The following ENO4 variants were observed in gnomAD, a reference collection of about 807,000 sequenced individuals.
The protein encoded by ENO4 is 2-phospho-D-glycerate hydro-lyase.
ENO4 carries 53 observed loss-of-function variants against 63.2 expected under a neutral mutation model. The ratio of observed to expected loss-of-function variants is 0.84; its 90% CI spans 0.67 to 1.05. The LOEUF is 1.05. Among genes scored for constraint, ENO4 ranks in the 50% least tolerant of loss-of-function variants. The pLI is 0.00. For synonymous variants in ENO4, 266 were observed against 283.8 expected, an observed-to-expected ratio of 0.94 and a Z score of 0.63; for missense variants, 719 against 772.0, an observed-to-expected ratio of 0.93 and a Z score of 0.81.
At position 116,856,765 on chromosome 10, in the gene ENO4, G is replaced by T. The variant is rs926622245; in HGVS notation, c.485+83G>T. Reference sequence around the variant, plus strand: ...GCCTGTAATCCCAGCACTTTGGGAGGCCGAGGCGGGCAGATCACGAGGTCA... The same window carrying T: ...GCCTGTAATCCCAGCACTTTGGGAGTCCGAGGCGGGCAGATCACGAGGTCA... On this transcript the variant is annotated intron_variant, in intron 3 of 13. Transcript: ENST00000341276. The T allele has an allele frequency of 3.4e-6, 4 of 1,186,438 alleles. No homozygotes were observed. In the South Asian group the frequency reaches 6.5e-5, roughly 19 times the overall value. The allele number at this position is 1,186,438 out of a possible 1,614,324, so 73.5% of individuals were successfully genotyped here.
downstream of ENO4, chr10:116,886,664 T>C: frequency 2.6e-6 from 4 of 1,519,140 alleles, no homozygotes; most frequent in East Asian, 2.3e-5. Context: ...ACCCAAAATG[T>C]TCTAAGTCTA....
chr10:116,906,778 G>A, intron 10 of ENO4: 1 of 1,578,834 alleles, frequency 6.3e-7, no homozygotes, highest in Non-Finnish European at 8.6e-7. Context: ...AAACAAAAAG[G>A]TTAATGTCTT....
chr10:116,871,397 ATTGT>A, intron 9 of ENO4, 105 bp downstream of exon 9: 1 of 1,058,090 alleles, frequency 9.5e-7, no homozygotes, highest in African/African-American at 1.6e-5. Flanking sequence ...AACAGATCTT[ATTGT>A]TTTTTTATTA....
At chr10:116,849,819 C>G (rs1042947981) in intron 1 of ENO4, 88 bp downstream of exon 1, 7 of 1,395,326 alleles carry the variant, frequency 5.0e-6, no homozygotes, top group Non-Finnish European at 6.7e-6. Flanking sequence ...GCGCCTGCGC[C>G]TCAGAATCTC....
Position 116,876,182 on chromosome 10 carries a change from A to G in ENO4, c.1459A>G (p.Lys487Glu). 1 of 1,550,660 alleles carries G rather than the reference A, an allele frequency of 6.4e-7. No homozygotes were observed. Among genetic ancestry groups the G allele is most frequent in the Non-Finnish European group, 8.7e-7 (1 of 1,147,020 alleles). ...LLEQGNISIP[K>E]SNGLIIKHTN... The stretch of plus-strand genomic sequence containing the variant: ...AGAGCAAGGAAACATCAGCATCCCC[A>G]AATCCAATGGGCTGATCATAAAACA... The change falls in exon 11 of 14, where the codon AAA (lysine) becomes GAA (glutamate). Residue 487 changes from lysine to glutamate, a missense_variant. Around this residue, in one of 3 missense-constraint regions of ENO4, gnomAD observed 7 missense variants for 25.1 expected, o/e 0.28. Transcript: ENST00000341276.
At chr10:116,886,487 C>G (rs1847167964), downstream of ENO4, 1 of 1,613,984 alleles carries the variant, frequency 6.2e-7, no homozygotes, top group African/African-American at 1.3e-5. Flanking sequence ...TGTGTAGAAA[C>G]AGGATCTAAA....
intron 10 of ENO4, among the ~76,000 whole-genome samples, chr10:116,875,385 A>T (rs1480495743): frequency 1.3e-5 from 2 of 152,144 alleles, no homozygotes; most frequent in East Asian, 3.9e-4. Flanking sequence ...TTGCTCTGTC[A>T]CCCAGGCTGG....
In ENO4 at chr10:116,871,285, T is replaced by G. The variant is rs1264272762; in HGVS notation, c.1208T>G (p.Met403Arg). ...ATCAACTGTGCTGGACATGAGCTGA[T>G]GGACTACGTAAGTTTCCACTTCAGA... ...LAINCAGHEL[M>R]DYNKGKYEVI... Residue 403 changes from methionine to arginine, a missense_variant, in exon 9 of 14, where the codon ATG becomes AGG. By Grantham distance (91) the Met-to-Arg change is moderately conservative. Transcript: ENST00000341276. 6.5e-7 allele frequency: 1 copy of G among 1,549,986 alleles called. No individual in the cohort carries two copies. Among genetic ancestry groups the G allele is most frequent in the African/African-American group, 1.4e-5 (1 of 73,040 alleles).
chr10:116,896,186 T>C (rs1384076532), intron 10 of ENO4, among the ~76,000 whole-genome samples: 2 of 152,202 alleles, frequency 1.3e-5, no homozygotes, highest in Admixed American at 6.5e-5. Flanking sequence ...TTTCCTTTAT[T>C]ATACCTATAT....
chr10:116,879,985 G>A lies in ENO4; in HGVS notation c.1722G>A (p.Leu574=). The change falls in exon 13 of 14, where the codon CTG becomes CTA. Residue 574 remains leucine, a splice_region_variant and synonymous_variant. Transcript: ENST00000341276. ...IEEELVQNGT[L]GFKEEHTFFY... ...AAGAACTTGTCCAGAATGGAACACTGGGTATGCGCTGCTTTCTTGCTTTGT... is the reference window on the plus strand; with the variant it reads ...AAGAACTTGTCCAGAATGGAACACTAGGTATGCGCTGCTTTCTTGCTTTGT... 1 of 1,536,910 alleles carries A rather than the reference G, an allele frequency of 6.5e-7. No homozygotes were observed. Among genetic ancestry groups the A allele is most frequent in the Non-Finnish European group, 8.8e-7 (1 of 1,135,402 alleles).
chr10:116,881,290 T>C (rs1248086786), intron 13 of ENO4, among the ~76,000 whole-genome samples: 1 of 152,202 alleles, frequency 6.6e-6, no homozygotes, highest in Non-Finnish European at 1.5e-5. Flanking sequence ...CATCAGATGT[T>C]CCAGAATGTT....
chr10:116,880,069 T>C (rs1348300276), intron 13 of ENO4, 83 bp downstream of exon 13: 1 of 1,066,008 alleles, frequency 9.4e-7, no homozygotes. Context: ...GAAGTCCCTC[T>C]GCAGGAGGGC....
At chr10:116,897,181 T>C (rs1055727105) in intron 10 of ENO4, among the ~76,000 whole-genome samples, 1 of 152,220 alleles carries the variant, frequency 6.6e-6, no homozygotes, top group African/African-American at 2.4e-5. Flanking sequence ...AGGGCTGCAA[T>C]GGGTATGTTG....
chr10:116,856,231 T>C (rs1282155661), intron 2 of ENO4, among the ~76,000 whole-genome samples: 1 of 152,226 alleles, frequency 6.6e-6, no homozygotes, highest in Non-Finnish European at 1.5e-5. Flanking sequence ...TTAAGTCTGA[T>C]TTTTATTGTT....
chr10:116,855,724 A>G lies in ENO4; in HGVS notation c.267A>G (p.Ile89Met), dbSNP rs1267663611. 8 of 1,535,820 alleles carry G rather than the reference A, an allele frequency of 5.2e-6. No individual in the cohort carries two copies. Among genetic ancestry groups the G allele is most frequent in the Non-Finnish European group, 6.1e-6 (7 of 1,146,526 alleles). Residue 89 changes from isoleucine (I) to methionine (M), a missense_variant, in exon 2 of 14, where the codon ATA (isoleucine) becomes ATG (methionine). Transcript: ENST00000341276. ...GGCTTCCAACCCTGCAAGTGGACATATTCTGCACCATTCAAAACTTTCCCA... is the reference window on the plus strand; with the variant it reads ...GGCTTCCAACCCTGCAAGTGGACATGTTCTGCACCATTCAAAACTTTCCCA... ...GLGLPTLQVD[I>M]FCTIQNFPKN... is the part of the protein sequence containing the mutation.
intron 10 of ENO4, among the ~76,000 whole-genome samples, chr10:116,875,573 A>G (rs1846808724): frequency 6.6e-6 from 1 of 151,714 alleles, no homozygotes; most frequent in Admixed American, 6.6e-5. Flanking sequence ...ACACACACAC[A>G]CACACACACA....
At chr10:116,892,942 G>C (rs1589778924) in intron 10 of ENO4, among the ~76,000 whole-genome samples, 1 of 152,254 alleles carries the variant, frequency 6.6e-6, no homozygotes, top group South Asian at 2.1e-4. Context: ...TGCAGAAATG[G>C]TATATTTTAT....
At chr10:116,864,204 G>A (rs1846492889) in intron 7 of ENO4, 1 of 152,266 alleles carries the variant, frequency 6.6e-6, no homozygotes, top group Non-Finnish European at 1.5e-5. Context: ...TGGGTGCGGT[G>A]GCTCATGCCT....
At chr10:116,906,628 ACTG>A (rs1847981300) in intron 10 of ENO4, 1 of 1,611,426 alleles carries the variant, frequency 6.2e-7, no homozygotes, top group South Asian at 1.1e-5. Context: ...CCGGCTTACT[ACTG>A]CTATCTGCTT....
Sources: allele counts gnomAD v4.1 joint callset (sites outside exome capture counted in the v4.1 genomes callset), GRCh38; gene constraint gnomAD v4.1.1; regional missense constraint gnomAD v4.1.1; transcripts MANE v1.5; gene names NCBI Gene and HGNC (gene_info 2026-07-23, HGNC 2026-07-21).